PCDHGB2: variants seen among roughly 807,000 people sequenced by gnomAD.
PCDHGB2 encodes protocadherin gamma subfamily B, 2.
Under a neutral mutation model 59.3 loss-of-function variants are expected in PCDHGB2, and 55 were observed. The observed-to-expected ratio is 0.93, with a 90% CI of 0.75 to 1.16. The LOEUF (loss-of-function observed/expected upper bound fraction) is 1.16. Ranked by LOEUF, PCDHGB2 falls within the 50% of genes most tolerant of loss-of-function variation. The pLI is 0.00. For missense variants in PCDHGB2, 1,228 were observed against 1,198.5 expected (o/e 1.02, Z -0.36); for synonymous variants, 516 against 512.0 (o/e 1.01, Z -0.11).
intron 1 of PCDHGB2, chr5:141,422,905 G>A: frequency 6.2e-7 from 1 of 1,614,260 alleles, no homozygotes; most frequent in South Asian, 1.1e-5. Flanking sequence ...GAACGACAAT[G>A]CGCCCGAGAT....
chr5:141,371,362 A>G (rs1767701466), intron 1 of PCDHGB2: 1 of 1,614,014 alleles, frequency 6.2e-7, no homozygotes, highest in Non-Finnish European at 8.5e-7. Context: ...GAAGCAAAGG[A>G]TGGTGGACAT....
rs1208690061 is a variant in PCDHGB2 at position 141,362,188 on chromosome 5, C to G, written c.2053C>G (p.Gln685Glu). The G allele has an allele frequency of 1.4e-5, 22 of 1,613,936 alleles. No homozygotes were observed. The East Asian group carries it at 4.9e-4, about 36-fold the overall frequency. ...CGACCGCCGGGAGCCCTCTGACCCC[C>G]AGGCAAAACTGCAGTTTTACCTGGT... is the stretch of plus-strand genomic sequence containing the variant. Reference protein sequence around the residue: ...LSDRREPSDPQAKLQFYLVVA... With the variant: ...LSDRREPSDPEAKLQFYLVVA... Residue 685 changes from glutamine to glutamate, a missense_variant, in exon 1 of 4, where the codon CAG (glutamine) becomes GAG (glutamate). Physicochemically the swap from Gln to Glu is conservative, Grantham distance 29. Transcript: ENST00000522605.
intron 2 of PCDHGB2, among the ~76,000 whole-genome samples, chr5:141,495,452 C>G (rs543717781): frequency 1.3e-5 from 2 of 152,356 alleles, no homozygotes; most frequent in South Asian, 2.1e-4. Context: ...TTGTCCTGCT[C>G]TCTGTCTGTG....
intron 1 of PCDHGB2, chr5:141,393,237 A>C (rs1561641299): frequency 6.2e-7 from 1 of 1,613,684 alleles, no homozygotes; most frequent in Non-Finnish European, 8.5e-7. Context: ...AGAAGTAAAA[A>C]TTAACGAAAT....
chr5:141,369,589 A>G (rs1339057936), intron 1 of PCDHGB2, among the ~76,000 whole-genome samples: 1 of 152,238 alleles, frequency 6.6e-6, no homozygotes, highest in Non-Finnish European at 1.5e-5. Flanking sequence ...GCTTTTTACT[A>G]TACTTCTATT....
chr5:141,427,626 C>T, intron 1 of PCDHGB2: 1 of 699,934 alleles, frequency 1.4e-6, no homozygotes, highest in Non-Finnish European at 2.6e-6. Flanking sequence ...CGACAATGCT[C>T]CGGTTTTCCA....
chr5:141,464,079 A>G (rs996899520), intron 1 of PCDHGB2, among the ~76,000 whole-genome samples: 3 of 152,124 alleles, frequency 2.0e-5, no homozygotes, highest in Non-Finnish European at 4.4e-5. Flanking sequence ...AGCCTGGCCA[A>G]CATGGTGAAA....
intron 1 of PCDHGB2, chr5:141,372,529 C>G: frequency 6.2e-7 from 1 of 1,614,042 alleles, no homozygotes; most frequent in Non-Finnish European, 8.5e-7. Flanking sequence ...CTGGCAATCT[C>G]CCTGCGCCTG....
rs533857281 is a variant in PCDHGB2 at position 141,429,742 on chromosome 5, T to C, written c.2422-65065T>C. Among the ~76,000 whole-genome samples the C allele has an allele frequency of 3.8e-4, 58 of 152,336 alleles. 1 individual carries two copies. Among genetic ancestry groups the C allele is most frequent in the Admixed American group, 2.0e-4 (3 of 15,302 alleles). Reference sequence around the variant, plus strand: ...ATGAAAGTACGTAGCCAGTTATTTCTTAGGGAGAATTTTTTCCCTATATTT... The same window carrying C: ...ATGAAAGTACGTAGCCAGTTATTTCCTAGGGAGAATTTTTTCCCTATATTT... On this transcript the variant is annotated intron_variant, in intron 1 of 3. Transcript: ENST00000522605.
At chr5:141,505,361 A>G (rs2099845711) in intron 2 of PCDHGB2, 32 bp from the exon 3 acceptor site, 1 of 1,613,910 alleles carries the variant, frequency 6.2e-7, no homozygotes, top group South Asian at 1.1e-5. Context: ...CCGGCCTGGG[A>G]GTCTGTGCTC....
intron 1 of PCDHGB2, chr5:141,422,094 T>C: frequency 1.2e-6 from 2 of 1,610,648 alleles, no homozygotes; most frequent in Non-Finnish European, 1.7e-6. Flanking sequence ...AAAGCAAGGC[T>C]TCTGAAATAT....
chr5:141,415,739 GGTTTTTT>G lies in PCDHGB2; in HGVS notation c.2421+53184_2421+53190del. 7.6e-5 allele frequency: 33 copies of G among 434,894 alleles called. No homozygotes were observed. In the African/African-American group the frequency reaches 8.5e-4, roughly 11 times the overall value. The allele number at this position is 434,894 out of a possible 1,614,324, so 26.9% of individuals were successfully genotyped here. A position where few individuals can be genotyped will look rare whatever the true frequency, so the allele number is the denominator to read the frequency against. On this transcript the variant is annotated intron_variant, in intron 1 of 3. Transcript: ENST00000522605. ...ATGAGTAGAATTTGATGTTTATTAA[GGTTTTTT>G]TTTTTTTTTTTTTTTTTTTTTTTTT...
intron 1 of PCDHGB2, chr5:141,371,741 T>C (rs1767988332): frequency 6.2e-7 from 1 of 1,614,004 alleles, no homozygotes; most frequent in East Asian, 2.2e-5. Flanking sequence ...ACGACAACGT[T>C]CCCGTTTTCC....
At chr5:141,470,825 C>G (rs557419577) in intron 1 of PCDHGB2, among the ~76,000 whole-genome samples, 24 of 152,182 alleles carry the variant, frequency 1.6e-4, no homozygotes, top group African/African-American at 4.1e-4. Context: ...GTAGTTAGGA[C>G]GACAAACACA....
chr5:141,404,796 G>T, intron 1 of PCDHGB2: 1 of 1,613,970 alleles, frequency 6.2e-7, no homozygotes, highest in Non-Finnish European at 8.5e-7. Flanking sequence ...AGTGAGCCAG[G>T]GCTCTTCTCG....
intron 1 of PCDHGB2, among the ~76,000 whole-genome samples, chr5:141,436,221 G>C (rs1468526543): frequency 6.6e-6 from 1 of 152,004 alleles, no homozygotes; most frequent in African/African-American, 2.4e-5. Context: ...CAAATGACTT[G>C]GGAAACTAAG....
chr5:141,482,288 C>G (rs1413786764), intron 1 of PCDHGB2, among the ~76,000 whole-genome samples: 1 of 152,078 alleles, frequency 6.6e-6, no homozygotes, highest in Non-Finnish European at 1.5e-5. Context: ...GTCTTTTAAT[C>G]TCTTTAAACT....
chr5:141,449,782 T>C (rs2098655261), intron 1 of PCDHGB2, among the ~76,000 whole-genome samples: 1 of 151,720 alleles, frequency 6.6e-6, no homozygotes, highest in South Asian at 2.1e-4. Flanking sequence ...GAAATTATGT[T>C]TCTTTATTCC....
chr5:141,374,326 C>T (rs1343594345), intron 1 of PCDHGB2: 6 of 1,613,980 alleles, frequency 3.7e-6, no homozygotes, highest in East Asian at 4.5e-5. Context: ...ATCCGCGAAA[C>T]GGCAGCTTGG....
Sources: allele counts gnomAD v4.1 joint callset (sites outside exome capture counted in the v4.1 genomes callset), GRCh38; gene constraint gnomAD v4.1.1; transcripts MANE v1.5; gene names NCBI Gene and HGNC (gene_info 2026-07-23, HGNC 2026-07-21).